SLC9B1: variants seen among roughly 807,000 people sequenced by gnomAD.
SLC9B1 encodes the protein solute carrier family 9 member B1.
SLC9B1 carries 32 observed loss-of-function variants against 51.7 expected under a neutral mutation model. The observed-to-expected ratio is 0.62, with a 90% confidence interval of 0.47 to 0.83. The LOEUF (loss-of-function observed/expected upper bound fraction) is 0.83. Ranked by LOEUF, SLC9B1 falls within the 40% of genes least tolerant of loss-of-function variation. SLC9B1 has a pLI of 0.00. For synonymous variants in SLC9B1, 145 were observed against 212.7 expected (o/e 0.68, Z 2.77); for missense variants, 406 against 613.2 (o/e 0.66, Z 3.57).
chr4:102,926,295 G>A (rs1384005719), intron 7 of SLC9B1, among the ~76,000 whole-genome samples: 1 of 121,722 alleles, frequency 8.2e-6, no homozygotes, highest in Non-Finnish European at 1.8e-5. Context: ...TAGGAAAAGA[G>A]GAAGTCAAAT....
intron 6 of SLC9B1, among the ~76,000 whole-genome samples, chr4:102,933,424 G>T (rs1402676428): frequency 6.6e-6 from 1 of 152,192 alleles, no homozygotes; most frequent in African/African-American, 2.4e-5. Context: ...TAGTTCAGTG[G>T]TTCCTAAACT....
chr4:103,003,784 GCCTGGTTTC>G (rs1740649185), intron 1 of SLC9B1, among the ~76,000 whole-genome samples: 1 of 152,098 alleles, frequency 6.6e-6, no homozygotes, highest in South Asian at 2.1e-4. Context: ...AGAGCTAGGG[GCCTGGTTTC>G]AGCCCCCCAG....
intron 3 of SLC9B1, among the ~76,000 whole-genome samples, chr4:102,949,828 G>A (rs1278770166): frequency 6.6e-6 from 1 of 152,006 alleles, no homozygotes; most frequent in Non-Finnish European, 1.5e-5. Flanking sequence ...AGGCGTGGTG[G>A]TGCGTGCCTG....
chr4:102,894,095 T>A (rs1324146444), intron 11 of SLC9B1, among the ~76,000 whole-genome samples: 2 of 152,154 alleles, frequency 1.3e-5, no homozygotes, highest in Non-Finnish European at 2.9e-5. Context: ...ATTACATAAA[T>A]GACATCAAAG....
intron 3 of SLC9B1, among the ~76,000 whole-genome samples, chr4:102,961,000 G>C (rs992631143): frequency 3.3e-5 from 5 of 152,010 alleles, no homozygotes; most frequent in Non-Finnish European, 7.4e-5. Flanking sequence ...CCAAAGTGCT[G>C]GGATTACAGG....
chr4:102,972,001 A>T (rs768882710), intron 3 of SLC9B1, among the ~76,000 whole-genome samples: 18 of 152,300 alleles, frequency 1.2e-4, no homozygotes, highest in South Asian at 6.2e-4. Flanking sequence ...ATAATTAATT[A>T]GCCTACCAAC....
chr4:102,892,214 A>G (rs1379129838), intron 11 of SLC9B1: 6 of 152,182 alleles, frequency 3.9e-5, no homozygotes, highest in Non-Finnish European at 8.8e-5. Context: ...ATGCTTCATC[A>G]TGCCCGGCTA....
intron 3 of SLC9B1, among the ~76,000 whole-genome samples, chr4:102,986,316 A>G (rs1410817252): frequency 1.3e-5 from 2 of 148,204 alleles, no homozygotes; most frequent in African/African-American, 5.0e-5. Flanking sequence ...TCTTGCTTCC[A>G]TGGTTTCTGA....
intron 11 of SLC9B1, chr4:102,890,357 T>G (rs1560909678): frequency 6.6e-6 from 1 of 152,230 alleles, no homozygotes; most frequent in African/African-American, 2.4e-5. Flanking sequence ...AGAATCTGTA[T>G]AGAGAGTTTG....
chr4:102,916,330 C>T (rs1290261045), intron 7 of SLC9B1, among the ~76,000 whole-genome samples: 2 of 151,966 alleles, frequency 1.3e-5, no homozygotes, highest in Non-Finnish European at 2.9e-5. Flanking sequence ...AATAATAGCA[C>T]AAGAGACAAG....
At chr4:102,955,893 G>T (rs1467357416) in intron 3 of SLC9B1, among the ~76,000 whole-genome samples, 1 of 128,102 alleles carries the variant, frequency 7.8e-6, no homozygotes, top group Non-Finnish European at 1.6e-5. Context: ...AAGAAAGAAA[G>T]AAAGAAAGAG....
At position 102,979,513 on chromosome 4, in the gene SLC9B1, G is replaced by A. The variant is rs925881340; in HGVS notation, c.211+10287C>T. ...CCTCATAGTTAACTGCGTACTCAAA[G>A]TCTGCTCTGAAGGATCAGCTTTCCA... On this transcript the variant is annotated intron_variant, in intron 3 of 11. Transcript: ENST00000296422. Among the ~76,000 whole-genome samples the A allele has an allele frequency of 6.3e-4, 96 of 152,246 alleles. 1 individual carries two copies. Among genetic ancestry groups the A allele is most frequent in the African/African-American group, 2.2e-3 (93 of 41,564 alleles).
At chr4:102,975,201 G>A (rs2110503482) in intron 3 of SLC9B1, among the ~76,000 whole-genome samples, 1 of 152,182 alleles carries the variant, frequency 6.6e-6, no homozygotes, top group East Asian at 1.9e-4. Flanking sequence ...TAGAGATGAA[G>A]TCTCACTATG....
downstream of SLC9B1, among the ~76,000 whole-genome samples, chr4:102,896,401 C>A (rs1381926217): frequency 6.6e-6 from 1 of 151,932 alleles, no homozygotes; most frequent in Non-Finnish European, 1.5e-5. Context: ...CTAATTTTTT[C>A]TTAATTTTTA....
intron 4 of SLC9B1, among the ~76,000 whole-genome samples, chr4:102,947,339 A>G (rs1245597329): frequency 3.4e-4 from 51 of 152,228 alleles, no homozygotes; most frequent in Non-Finnish European, 1.5e-5. Flanking sequence ...GACAGCAGAG[A>G]TAAGATGTAG....
At chr4:102,917,460 T>C (rs78652006) in intron 7 of SLC9B1, among the ~76,000 whole-genome samples, 832 of 78,764 alleles carry the variant, frequency 0.011, no homozygotes, top group African/African-American at 0.011. Context: ...TCTATATCTA[T>C]ATCTATATCT....
intron 7 of SLC9B1, among the ~76,000 whole-genome samples, chr4:102,923,108 C>A (rs1164121648): frequency 1.3e-5 from 2 of 151,670 alleles, no homozygotes; most frequent in African/African-American, 4.8e-5. Flanking sequence ...ACAACAACAA[C>A]AAAAAAGGGA....
intron 7 of SLC9B1, among the ~76,000 whole-genome samples, chr4:102,921,963 G>A (rs1257720045): frequency 6.6e-6 from 1 of 152,142 alleles, no homozygotes; most frequent in African/African-American, 2.4e-5. Context: ...ATAATAATGG[G>A]AGAATTTCAC....
chr4:102,917,457 CTATATCT>C (rs1735636137), intron 7 of SLC9B1, among the ~76,000 whole-genome samples: 1 of 151,332 alleles, frequency 6.6e-6, no homozygotes, highest in Non-Finnish European at 1.5e-5. Context: ...ATATCTATAT[CTATATCT>C]ATATCTATAT....
Sources: gnomAD v4.1 joint callset for allele counts (sites outside exome capture counted in the v4.1 genomes callset) on GRCh38, gnomAD v4.1.1 for gene constraint, MANE v1.5 for transcripts, NCBI Gene and HGNC (gene_info 2026-07-23, HGNC 2026-07-21) for gene names.